CEP78: variants seen among roughly 807,000 people sequenced by gnomAD.
The protein encoded by CEP78 is centrosomal protein of 78 kDa.
A neutral mutation model predicts 81.2 loss-of-function variants in CEP78; 76 were observed. The observed-to-expected ratio is 0.94, with a 90% CI of 0.78 to 1.13. CEP78 has a LOEUF of 1.13. CEP78 is among the 50% of genes most tolerant of loss of function. CEP78 has a pLI of 0.00. For synonymous variants in CEP78, 293 were observed against 301.4 expected (o/e 0.97, Z 0.29); for missense variants, 918 against 846.8 (o/e 1.08, Z -1.04).
rs1210581905 is a variant in CEP78, at chr9:78,262,973, C to T, written c.1447C>T (p.Arg483Ter). The T allele has an allele frequency of 1.1e-5, 17 of 1,539,142 alleles. No individual in the cohort carries two copies. The highest frequency in any genetic ancestry group is 4.9e-5 in the South Asian group (4 of 81,922). Residue 483 changes from arginine (R) to a stop codon, truncating the protein, a stop_gained, in exon 12 of 17, where the codon CGA (arginine) becomes TGA (stop). Transcript: ENST00000643273. LOFTEE classifies it high-confidence loss of function. ...AGTGATAAGGCTTAAGGTTGATAAA[C>T]GAGTCAGTGAGGTAAATAAAAGTTT... ...ERVIRLKVDK[R>*]VSELEHENAQ... is the part of the protein sequence containing the mutation.
intron 1 of CEP78, among the ~76,000 whole-genome samples, chr9:78,237,452 G>C (rs1826009510): frequency 6.6e-6 from 1 of 152,274 alleles, no homozygotes; most frequent in East Asian, 1.9e-4. Context: ...TGAGCACTTA[G>C]CATTTTCTAC....
chr9:78,251,034 A>G (rs1288664585), intron 8 of CEP78, among the ~76,000 whole-genome samples: 1 of 152,192 alleles, frequency 6.6e-6, no homozygotes, highest in African/African-American at 2.4e-5. Flanking sequence ...GATAAATATA[A>G]CCGTTTTAAT....
intron 11 of CEP78, among the ~76,000 whole-genome samples, chr9:78,259,374 G>A (rs1827176116): frequency 6.6e-6 from 1 of 152,028 alleles, no homozygotes; most frequent in African/African-American, 2.4e-5. Flanking sequence ...AAGATATGGG[G>A]GATTTCAGAG....
In CEP78 at chr9:78,277,361, TAAAG is replaced by T. The variant is rs1827825744; in HGVS notation, c.*6511_*6514del. 1 of 151,834 alleles carries T rather than the reference TAAAG, an allele frequency of 6.6e-6. No individual in the cohort carries two copies. Among genetic ancestry groups the T allele is most frequent in the South Asian group, 2.1e-4 (1 of 4,810 alleles). The allele number at this position is 151,834 out of a possible 1,614,324, so 9.4% of individuals were successfully genotyped here. On this transcript the variant is annotated 3_prime_UTR_variant, in exon 17 of 17. Coordinates refer to ENST00000643273, the MANE Select transcript of CEP78 (RefSeq NM_001330691.3). ...CTTTGATAAAATTAGATTTCATAAA[TAAAG>T]GAGTGGGAAAATACATGTAATAGAA...
At chr9:78,243,415 ATC>A (rs1826321386) in intron 4 of CEP78, 45 bp from the exon 5 acceptor site, 1 of 1,522,602 alleles carries the variant, frequency 6.6e-7, no homozygotes, top group Non-Finnish European at 9.0e-7. Context: ...TAGTGTTCCT[ATC>A]TCTTTATCCA....
At position 78,236,515 on chromosome 9, in the gene CEP78, G is replaced by A; in HGVS notation, c.165G>A (p.Trp55Ter). 1 of 1,607,096 alleles carries A rather than the reference G, an allele frequency of 6.2e-7. No homozygotes were observed. Among genetic ancestry groups the A allele is most frequent in the Non-Finnish European group, 8.5e-7 (1 of 1,176,828 alleles). ...FNADRLRGVDWAPLLSTLKIN... is the reference protein window; with the variant it reads ...FNADRLRGVD ...CCGACCGCCTCCGCGGGGTGGACTGGGCGCCTCTGCTGAGCACCCTCAAGA... is the reference window on the plus strand; with the variant it reads ...CCGACCGCCTCCGCGGGGTGGACTGAGCGCCTCTGCTGAGCACCCTCAAGA... Residue 55 changes from tryptophan (W) to a stop codon, truncating the protein, a stop_gained, in exon 1 of 17, where the codon TGG becomes TGA. Coordinates refer to ENST00000643273, the MANE Select transcript of CEP78 (RefSeq NM_001330691.3). LOFTEE classifies it high-confidence loss of function.
chr9:78,271,009 A>T lies in CEP78; in HGVS notation c.*158A>T. The stretch of plus-strand genomic sequence containing the variant: ...ATTCCACTCATCTTTGGAGCATCTG[A>T]TTCTGGAGTTTGCCACCAGGCTAAG... On this transcript the variant is annotated 3_prime_UTR_variant, in exon 17 of 17. Coordinates refer to ENST00000643273, the MANE Select transcript of CEP78 (RefSeq NM_001330691.3). 2.0e-6 allele frequency: 1 copy of T among 496,554 alleles called. No individual in the cohort carries two copies. Among genetic ancestry groups the T allele is most frequent in the Non-Finnish European group, 3.5e-6 (1 of 285,376 alleles). The allele number at this position is 496,554 out of a possible 1,614,324, so 30.8% of individuals were successfully genotyped here.
intron 16 of CEP78, among the ~76,000 whole-genome samples, chr9:78,268,416 G>A (rs183030159): frequency 5.3e-5 from 8 of 152,230 alleles, no homozygotes; most frequent in Non-Finnish European, 1.2e-4. Flanking sequence ...TATAATCCAC[G>A]TTGCATGGAG....
At chr9:78,263,380 C>T (rs1018961949) in intron 12 of CEP78, among the ~76,000 whole-genome samples, 3 of 151,778 alleles carry the variant, frequency 2.0e-5, no homozygotes, top group Non-Finnish European at 4.4e-5. Flanking sequence ...AATGGAAAAC[C>T]GGTAAGAATG....
At position 78,253,406 on chromosome 9, in the gene CEP78, A is replaced by G. The variant is rs60356069; in HGVS notation, c.1251+129A>G. The G allele has an allele frequency of 2.4e-4, 155 of 645,810 alleles. No individual in the cohort carries two copies. The African/African-American group carries it at 2.5e-3, about 10-fold the overall frequency. The allele number at this position is 645,810 out of a possible 1,614,324, so 40.0% of individuals were successfully genotyped here. The stretch of plus-strand genomic sequence containing the variant: ...CCTCCCTGAAGTAAATTCTTTAAAA[A>G]TTTTCTGGGTTCTCCCGGTGCCACA... On this transcript the variant is annotated intron_variant, in intron 10 of 16. Transcript: ENST00000643273.
At position 78,275,478 on chromosome 9, in the gene CEP78, A is replaced by T. The variant is rs2118553762; in HGVS notation, c.*4627A>T. 1 of 152,112 alleles carries T rather than the reference A, an allele frequency of 6.6e-6. No individual in the cohort carries two copies. The highest frequency in any genetic ancestry group is 2.4e-5 in the African/African-American group (1 of 41,438). 9.4% of individuals were successfully genotyped at this position (152,112 alleles called of 1,614,324 possible). A position where few individuals can be genotyped will look rare whatever the true frequency, so the allele number is the denominator to read the frequency against. On this transcript the variant is annotated 3_prime_UTR_variant, in exon 17 of 17. Transcript: ENST00000643273. ...AAATTAGCCGGGCTTGGTGGCGGGC[A>T]CTTGTAATCCCAACTACTCAGGAGT...
rs1455114342 is a variant in CEP78 at position 78,236,362 on chromosome 9, C to G, written c.12C>G (p.Ser4=). 1 of 1,579,032 alleles carries G rather than the reference C, an allele frequency of 6.3e-7. No homozygotes were observed. The change falls in exon 1 of 17, where the codon TCC becomes TCG. Residue 4 remains serine (S), a synonymous_variant. Transcript: ENST00000643273. The part of the protein sequence containing the change: MID[S]VKLRRDSAAD... ...GCCGCCCTCGGGCCATGATCGACTC[C>G]GTGAAGCTGCGCCGCGACAGCGCGG...
chr9:78,278,491 A>T lies in CEP78; in HGVS notation c.*7640A>T, dbSNP rs1318572484. 2 of 152,170 alleles carry T rather than the reference A, an allele frequency of 1.3e-5. No individual in the cohort carries two copies. The highest frequency in any genetic ancestry group is 2.9e-5 in the Non-Finnish European group (2 of 68,024). The allele number at this position is 152,170 out of a possible 1,614,324, so 9.4% of individuals were successfully genotyped here. On this transcript the variant is annotated 3_prime_UTR_variant, in exon 17 of 17. Transcript: ENST00000643273. ...GTATAATTAATGGAAAATTGCATCA[A>T]ACAACTCTGATTGTACTTCTAGTGA...
intron 5 of CEP78, among the ~76,000 whole-genome samples, chr9:78,245,100 A>G (rs978108892): frequency 1.3e-5 from 2 of 152,136 alleles, no homozygotes; most frequent in Non-Finnish European, 2.9e-5. Flanking sequence ...AGGTTTTACC[A>G]TATTCTATCA....
intron 5 of CEP78, 148 bp from the exon 6 acceptor site, chr9:78,246,521 A>T: frequency 4.7e-6 from 2 of 428,166 alleles, no homozygotes; most frequent in Non-Finnish European, 8.3e-6. Context: ...AATGGCGTGA[A>T]CCTGGGAGGC....
chr9:78,264,242 T>G lies in CEP78; in HGVS notation c.1551T>G (p.Asp517Glu). ...AQSLTNMILD[D>E]EGVLGSIENS... ...CATTGACAAATATGATCCTGGATGA[T>G]GAAGGTGTTTTGGGCAGCATTGAGA... is the stretch of plus-strand genomic sequence containing the variant. The change falls in exon 13 of 17, where the codon GAT becomes GAG. Residue 517 changes from aspartate to glutamate, a missense_variant. Coordinates refer to ENST00000643273, the MANE Select transcript of CEP78 (RefSeq NM_001330691.3). 1.2e-6 allele frequency: 2 copies of G among 1,611,902 alleles called. No homozygotes were observed. Among genetic ancestry groups the G allele is most frequent in the Non-Finnish European group, 1.7e-6 (2 of 1,178,910 alleles).
In CEP78 at chr9:78,246,755, C is replaced by A; in HGVS notation, c.865C>A (p.Leu289Met). Residue 289 changes from leucine to methionine, a missense_variant, in exon 6 of 17, where the codon CTG (leucine) becomes ATG (methionine). Transcript: ENST00000643273. ...TGAAACCAATACAACTCTGGTCGTT[C>A]TGGATATAAGAAAAAATCCACTCAT... Reference protein sequence around the residue: ...ALETNTTLVVLDIRKNPLIDH... With the variant: ...ALETNTTLVVMDIRKNPLIDH... The A allele has an allele frequency of 6.2e-7, 1 of 1,602,768 alleles. No homozygotes were observed.
chr9:78,265,798 T>G, intron 14 of CEP78, 61 bp from the exon 15 acceptor site: 2 of 890,492 alleles, frequency 2.2e-6, no homozygotes, highest in South Asian at 2.9e-5. Context: ...AATGAAAGAT[T>G]AGAGAAATGA....
chr9:78,244,547 C>G (rs1487967556), intron 5 of CEP78, among the ~76,000 whole-genome samples: 1 of 152,188 alleles, frequency 6.6e-6, no homozygotes, highest in African/African-American at 2.4e-5. Flanking sequence ...ATATTATAGT[C>G]TCATAAATGC....
Sources: allele counts gnomAD v4.1 joint callset (sites outside exome capture counted in the v4.1 genomes callset), GRCh38; gene constraint gnomAD v4.1.1; transcripts MANE v1.5; gene names NCBI Gene and HGNC (gene_info 2026-07-23, HGNC 2026-07-21).